FBXW2: variants seen among roughly 807,000 people sequenced by gnomAD.
The protein encoded by FBXW2 is F-box and WD repeat domain containing 2.
In FBXW2, 12 loss-of-function variants were observed where a neutral mutation model predicts 46.0. That is an observed-to-expected ratio of 0.26 (90% CI 0.17 to 0.42). The LOEUF is 0.42. FBXW2 is among the 10% of genes least tolerant of loss of function. The pLI is 1.00. For synonymous variants in FBXW2, 203 were observed against 209.6 expected, an observed-to-expected ratio of 0.97 and a Z score of 0.27; for missense variants, 360 against 537.0, an observed-to-expected ratio of 0.67 and a Z score of 3.26.
rs748054105 is a variant in FBXW2, at chr9:120,760,096, G to A, written c.*4463C>T. 6.6e-6 allele frequency: 1 copy of A among 152,258 alleles called. No individual in the cohort carries two copies. Among genetic ancestry groups the A allele is most frequent in the African/African-American group, 2.4e-5 (1 of 41,446 alleles). The allele number at this position is 152,258 out of a possible 1,614,324, so 9.4% of individuals were successfully genotyped here. On this transcript the variant is annotated 3_prime_UTR_variant, in exon 8 of 8. Coordinates refer to ENST00000608872, the MANE Select transcript of FBXW2 (RefSeq NM_012164.4). ...ATTCTGAGGACAGCATAATTCTCAA[G>A]TGTCTTGGTTGTCTAAACCAAGCGA...
intron 2 of FBXW2, among the ~76,000 whole-genome samples, 168 bp from the exon 3 acceptor site, chr9:120,788,446 C>G (rs1385458250): frequency 1.3e-5 from 2 of 152,190 alleles, no homozygotes; most frequent in Admixed American, 1.3e-4. Context: ...TGAACACTTT[C>G]CATGCACACA....
At chr9:120,765,866 T>C (rs2044267528) in intron 7 of FBXW2, among the ~76,000 whole-genome samples, 1 of 152,090 alleles carries the variant, frequency 6.6e-6, no homozygotes, top group Non-Finnish European at 1.5e-5. Context: ...GCCCTAACTT[T>C]CTCAGAGGCA....
chr9:120,757,108 G>A lies in FBXW2; in HGVS notation c.*7451C>T, dbSNP rs1347430675. 4.6e-5 allele frequency: 7 copies of A among 152,210 alleles called. No individual in the cohort carries two copies. The highest frequency in any genetic ancestry group is 3.9e-4 in the East Asian group (2 of 5,184). The allele number at this position is 152,210 out of a possible 1,614,324, so 9.4% of individuals were successfully genotyped here. A position where few individuals can be genotyped will look rare whatever the true frequency, so the allele number is the denominator to read the frequency against. The stretch of plus-strand genomic sequence containing the variant: ...GGTAAAAGATGCAGACAGAATTCAA[G>A]AGATACAAATAAGCACACATAAAAA... On this transcript the variant is annotated 3_prime_UTR_variant, in exon 8 of 8. Coordinates refer to ENST00000608872, the MANE Select transcript of FBXW2 (RefSeq NM_012164.4).
intron 2 of FBXW2, chr9:120,792,844 T>C: frequency 7.1e-7 from 1 of 1,411,552 alleles, no homozygotes; most frequent in Non-Finnish European, 9.4e-7. Context: ...AGCATTAATA[T>C]TGTTATCTTT....
chr9:120,768,141 G>C (rs935808865), intron 7 of FBXW2, among the ~76,000 whole-genome samples: 2 of 152,064 alleles, frequency 1.3e-5, no homozygotes, highest in African/African-American at 2.4e-5. Flanking sequence ...GCCTTCGAAC[G>C]GACTAGTGTC....
intron 7 of FBXW2, among the ~76,000 whole-genome samples, chr9:120,770,307 C>T (rs1381926950): frequency 2.0e-5 from 3 of 149,328 alleles, no homozygotes; most frequent in South Asian, 2.1e-4. Flanking sequence ...ACCCTGGAGG[C>T]GGAGCCTGCA....
chr9:120,789,934 G>C (rs1406945636), intron 2 of FBXW2, among the ~76,000 whole-genome samples: 1 of 152,182 alleles, frequency 6.6e-6, no homozygotes, highest in African/African-American at 2.4e-5. Context: ...GGCTAGAGAA[G>C]ATTTATTAAT....
intron 3 of FBXW2, among the ~76,000 whole-genome samples, chr9:120,787,408 C>T (rs1279740120): frequency 6.6e-5 from 10 of 152,090 alleles, no homozygotes; most frequent in African/African-American, 2.4e-4. Flanking sequence ...GATTAGATAC[C>T]AATTTTTCCA....
At position 120,790,011 on chromosome 9, in the gene FBXW2, C is replaced by G. The variant is rs758638384; in HGVS notation, c.-20-1733G>C. On this transcript the variant is annotated intron_variant, in intron 2 of 7. Transcript: ENST00000608872. The stretch of plus-strand genomic sequence containing the variant: ...GGCTAAAAGTTTTATCGACTTATCA[C>G]GCAATAACAAGCCCCCTCCTTCCTC... Among the ~76,000 whole-genome samples the G allele has an allele frequency of 2.0e-5, 3 of 152,196 alleles. No homozygotes were observed. The East Asian group carries it at 5.8e-4, about 29-fold the overall frequency.
chr9:120,770,934 A>G (rs2044364024), intron 7 of FBXW2, among the ~76,000 whole-genome samples: 1 of 152,218 alleles, frequency 6.6e-6, no homozygotes, highest in Non-Finnish European at 1.5e-5. Context: ...AGTCAACAGA[A>G]GGTCACTTGA....
At chr9:120,783,741 T>C (rs1218674272) in intron 3 of FBXW2, among the ~76,000 whole-genome samples, 1 of 152,226 alleles carries the variant, frequency 6.6e-6, no homozygotes, top group Non-Finnish European at 1.5e-5. Flanking sequence ...TTTCAAACAG[T>C]AGGCATCCCA....
rs148917574 is a variant in FBXW2 at position 120,788,132 on chromosome 9, G to A, written c.127C>T (p.His43Tyr). ...AGAGTCTCTAGGTTATTGGAGAGATGCCTGAGCTGGACTGCCCCACTCAGA... is the reference window on the plus strand; with the variant it reads ...AGAGTCTCTAGGTTATTGGAGAGATACCTGAGCTGGACTGCCCCACTCAGA... ...ISLSGAVQLR[H>Y]LSNNLETLLK... The change falls in exon 3 of 8, where the codon CAT becomes TAT. Residue 43 changes from histidine to tyrosine, a missense_variant. Transcript: ENST00000608872. 1.9e-4 allele frequency: 300 copies of A among 1,614,188 alleles called. No homozygotes were observed. In the African/African-American group the frequency reaches 3.7e-3, roughly 20 times the overall value.
chr9:120,792,529 C>T (rs1376295565), intron 2 of FBXW2: 2 of 157,868 alleles, frequency 1.3e-5, no homozygotes, highest in African/African-American at 4.8e-5. Flanking sequence ...AAACTGAAAA[C>T]CATGTTAAGT....
In FBXW2 at chr9:120,764,042, G is replaced by A. The variant is rs1176836156; in HGVS notation, c.*517C>T. ...AGACTTTCCTTAGCACTGGTATTTG[G>A]TGGAAGTTTATAAACTGGTATTTGG... On this transcript the variant is annotated 3_prime_UTR_variant, in exon 8 of 8. Coordinates refer to ENST00000608872, the MANE Select transcript of FBXW2 (RefSeq NM_012164.4). The A allele has an allele frequency of 5.0e-6, 1 of 200,434 alleles. No homozygotes were observed. Among genetic ancestry groups the A allele is most frequent in the African/African-American group, 2.3e-5 (1 of 43,288 alleles). 12.4% of individuals were successfully genotyped at this position (200,434 alleles called of 1,614,324 possible). A position where few individuals can be genotyped will look rare whatever the true frequency, so the allele number is the denominator to read the frequency against.
chr9:120,762,015 C>T lies in FBXW2; in HGVS notation c.*2544G>A, dbSNP rs368309210. The T allele has an allele frequency of 6.6e-6, 1 of 152,126 alleles. No homozygotes were observed. The highest frequency in any genetic ancestry group is 1.9e-4 in the East Asian group (1 of 5,192). The allele number at this position is 152,126 out of a possible 1,614,324, so 9.4% of individuals were successfully genotyped here. A position where few individuals can be genotyped will look rare whatever the true frequency, so the allele number is the denominator to read the frequency against. On this transcript the variant is annotated 3_prime_UTR_variant, in exon 8 of 8. Transcript: ENST00000608872. ...GGTAGGGTGGGGATGGTCATTAGATCAGTAATAGTTATCTGTTCAGGCTCG... is the reference window on the plus strand; with the variant it reads ...GGTAGGGTGGGGATGGTCATTAGATTAGTAATAGTTATCTGTTCAGGCTCG...
Position 120,764,132 on chromosome 9 carries a change from A to T in FBXW2, c.*427T>A, listed in dbSNP as rs2044233750. The T allele has an allele frequency of 2.9e-6, 1 of 346,998 alleles. No individual in the cohort carries two copies. The highest frequency in any genetic ancestry group is 2.1e-5 in the African/African-American group (1 of 47,436). 21.5% of individuals were successfully genotyped at this position (346,998 alleles called of 1,614,324 possible). A position where few individuals can be genotyped will look rare whatever the true frequency, so the allele number is the denominator to read the frequency against. ...GTGTGAGGAAAGTTGCTGTAACAAC[A>T]TCATAGCACCTTTGCTTCAACTTCA... On this transcript the variant is annotated 3_prime_UTR_variant, in exon 8 of 8. Transcript: ENST00000608872.
Position 120,761,474 on chromosome 9 carries a change from CAA to C in FBXW2, c.*3083_*3084del, listed in dbSNP as rs1342519264. ...TCCCTTACCTATGCGCTAAGGAAGC[CAA>C]AGTCAGTGTGTGCAAGAGCTAGCTC... On this transcript the variant is annotated 3_prime_UTR_variant, in exon 8 of 8. Transcript: ENST00000608872. 1.3e-5 allele frequency: 2 copies of C among 152,134 alleles called. No individual in the cohort carries two copies. Among genetic ancestry groups the C allele is most frequent in the Admixed American group, 1.3e-4 (2 of 15,264 alleles). The allele number at this position is 152,134 out of a possible 1,614,324, so 9.4% of individuals were successfully genotyped here. A position where few individuals can be genotyped will look rare whatever the true frequency, so the allele number is the denominator to read the frequency against.
chr9:120,792,950 C>T (rs1172827170), intron 2 of FBXW2, 199 bp downstream of exon 2: 1 of 1,533,716 alleles, frequency 6.5e-7, no homozygotes, highest in Admixed American at 2.0e-5. Context: ...TAAACCACCT[C>T]ATCACACTTC....
At chr9:120,771,153 T>G (rs1360383934) in intron 7 of FBXW2, among the ~76,000 whole-genome samples, 195 bp downstream of exon 7, 5 of 152,228 alleles carry the variant, frequency 3.3e-5, no homozygotes, top group Non-Finnish European at 5.9e-5. Flanking sequence ...GTAACTCTTT[T>G]TCATTTGCTT....
Sources: gnomAD v4.1 joint callset for allele counts (sites outside exome capture counted in the v4.1 genomes callset) on GRCh38, gnomAD v4.1.1 for gene constraint, MANE v1.5 for transcripts, NCBI Gene and HGNC (gene_info 2026-07-23, HGNC 2026-07-21) for gene names.